PIAS3: variants seen among roughly 807,000 people sequenced by gnomAD.
PIAS3 encodes the protein protein inhibitor of activated STAT 3, also known as E3 SUMO-protein ligase PIAS3.
Under a neutral mutation model 67.6 loss-of-function variants are expected in PIAS3, and 34 were observed. That is an observed-to-expected ratio of 0.50 (90% CI 0.38 to 0.67). PIAS3 has a LOEUF of 0.67. Ranked by LOEUF, PIAS3 falls within the 30% of genes least tolerant of loss-of-function variation. The pLI is 0.00. For synonymous variants in PIAS3, 341 were observed against 313.8 expected, an observed-to-expected ratio of 1.09 and a Z score of -0.92; for missense variants, 693 against 791.6, an observed-to-expected ratio of 0.88 and a Z score of 1.49.
Position 145,849,556 on chromosome 1 carries a change from C to T in PIAS3, c.1777G>A (p.Val593Ile), listed in dbSNP as rs142992966. The T allele has an allele frequency of 3.7e-6, 6 of 1,605,892 alleles. No homozygotes were observed. The highest frequency in any genetic ancestry group is 4.3e-6 in the Non-Finnish European group (5 of 1,176,204). Residue 593 changes from valine to isoleucine, a missense_variant, in exon 14 of 14, where the codon GTC (valine) becomes ATC (isoleucine). By Grantham distance (29) the Val-to-Ile change is conservative. This residue lies in a region of PIAS3 where 270 missense variants were observed against 261.0 expected (regional missense o/e 1.03). Coordinates refer to ENST00000393045, the MANE Select transcript of PIAS3 (RefSeq NM_006099.3). Reference sequence around the variant, plus strand: ...CCCCCAGGGGCCACAATGCTGCTGACACGGCCAGGAGGGGGCGCCGGAGTG... The same window carrying T: ...CCCCCAGGGGCCACAATGCTGCTGATACGGCCAGGAGGGGGCGCCGGAGTG... ...SATPAPPPGR[V>I]SSIVAPGGAL...
Position 145,848,859 on chromosome 1 carries a change from G to C in PIAS3, c.*587C>G, listed in dbSNP as rs189062109. On this transcript the variant is annotated 3_prime_UTR_variant, in exon 14 of 14. Transcript: ENST00000393045. ...TCTGTCATACTGGAGTAGGAGGCAG[G>C]GGAAGTCATCTTTGGAGTATTTTGG... 8.4e-5 allele frequency: 15 copies of C among 179,022 alleles called. No individual in the cohort carries two copies. The East Asian group carries it at 2.1e-3, about 25-fold the overall frequency. The allele number at this position is 179,022 out of a possible 1,614,324, so 11.1% of individuals were successfully genotyped here.
chr1:145,858,287 C>T (rs587766053), intron 1 of PIAS3, among the ~76,000 whole-genome samples: 1 of 152,178 alleles, frequency 6.6e-6, no homozygotes, highest in Non-Finnish European at 1.5e-5. Flanking sequence ...TCTGTCCTGT[C>T]TTTTTTTCTC....
At chr1:145,850,042 G>C in intron 13 of PIAS3, 190 bp downstream of exon 13, 1 of 1,449,438 alleles carries the variant, frequency 6.9e-7, no homozygotes, top group Non-Finnish European at 9.0e-7. Context: ...GGGGATCTAG[G>C]AAGGAGGCCT....
At chr1:145,854,586 CAATT>C in intron 6 of PIAS3, 23 bp from the exon 7 acceptor site, 1 of 1,576,998 alleles carries the variant, frequency 6.3e-7, no homozygotes, top group South Asian at 1.1e-5. Flanking sequence ...AGGGGGTAGA[CAATT>C]AGCCTCTGCT....
At position 145,849,262 on chromosome 1, in the gene PIAS3, G is replaced by A. The variant is rs1553733493; in HGVS notation, c.*184C>T. 4 of 467,622 alleles carry A rather than the reference G, an allele frequency of 8.6e-6. No homozygotes were observed. Among genetic ancestry groups the A allele is most frequent in the Non-Finnish European group, 7.2e-6 (2 of 277,662 alleles). 29.0% of individuals were successfully genotyped at this position (467,622 alleles called of 1,614,324 possible). A position where few individuals can be genotyped will look rare whatever the true frequency, so the allele number is the denominator to read the frequency against. On this transcript the variant is annotated 3_prime_UTR_variant, in exon 14 of 14. Transcript: ENST00000393045. ...CAGACCCCAGTGTCCTTAAAAAGAGGTTAAATATTAACCCTTTGGGTGCTG... is the reference window on the plus strand; with the variant it reads ...CAGACCCCAGTGTCCTTAAAAAGAGATTAAATATTAACCCTTTGGGTGCTG...
At chr1:145,858,838 T>A in intron 1 of PIAS3, 129 bp downstream of exon 1, 2 of 572,828 alleles carry the variant, frequency 3.5e-6, no homozygotes, top group Non-Finnish European at 5.0e-6. Context: ...TTCTCTCCCA[T>A]CCTCAGCAGC....
At chr1:145,856,227 C>T (rs1331899435) in intron 3 of PIAS3, 109 bp from the exon 4 acceptor site, 5 of 1,253,540 alleles carry the variant, frequency 4.0e-6, no homozygotes, top group Admixed American at 1.7e-5. Flanking sequence ...AGAAGAGACA[C>T]ACAGAAGAAC....
Position 145,850,238 on chromosome 1 carries a change from C to A in PIAS3, c.1614G>T (p.Glu538Asp). 1 of 1,614,204 alleles carries A rather than the reference C, an allele frequency of 6.2e-7. No individual in the cohort carries two copies. The highest frequency in any genetic ancestry group is 8.5e-7 in the Non-Finnish European group (1 of 1,180,024). The change falls in exon 13 of 14, where the codon GAG becomes GAT. Residue 538 changes from glutamate to aspartate, a missense_variant. Physicochemically the swap from Glu to Asp is conservative, Grantham distance 45. This residue lies in a region of PIAS3 where 270 missense variants were observed against 261.0 expected (regional missense o/e 1.03). Coordinates refer to ENST00000393045, the MANE Select transcript of PIAS3 (RefSeq NM_006099.3). ...TGAAGAAAGAACCACTTACCTGACT[C>A]TCTGTCTGAAGAAATGAAAATAAAT... is the stretch of plus-strand genomic sequence containing the variant. ...GLDLFSFLQT[E>D]SQHYGPSVIT...
intron 13 of PIAS3, 59 bp downstream of exon 13, chr1:145,850,173 T>C: frequency 3.7e-6 from 6 of 1,612,206 alleles, no homozygotes; most frequent in Non-Finnish European, 5.1e-6. Context: ...AGGGGCCCCA[T>C]CAGTGTCTAG....
At chr1:145,852,783 G>A (rs1222250599) in intron 9 of PIAS3, among the ~76,000 whole-genome samples, 13 of 151,844 alleles carry the variant, frequency 8.6e-5, no homozygotes, top group Non-Finnish European at 1.3e-4. Flanking sequence ...TTTTTATAGA[G>A]AGAGGGTCTA....
In PIAS3 at chr1:145,850,556, C is replaced by T. The variant is rs368767456; in HGVS notation, c.1479G>A (p.Ser493=). 5.6e-6 allele frequency: 9 copies of T among 1,614,164 alleles called. No homozygotes were observed. The highest frequency in any genetic ancestry group is 6.8e-6 in the Non-Finnish European group (8 of 1,180,018). Residue 493 remains serine (S), a synonymous_variant, in exon 12 of 14, where the codon TCG becomes TCA. Transcript: ENST00000393045. ...GVLTSGHQPS[S]VLRSPAMGTL... ...TGCCCATAGCAGGGCTCCTTAGCAC[C>T]GAGGATGGCTGGTGGCCAGATGTCA...
intron 5 of PIAS3, among the ~76,000 whole-genome samples, 175 bp from the exon 6 acceptor site, chr1:145,855,055 C>G (rs995985591): frequency 1.3e-5 from 2 of 152,162 alleles, no homozygotes; most frequent in Admixed American, 6.5e-5. Flanking sequence ...GGAGCACTGT[C>G]TAGGGTTATG....
intron 1 of PIAS3, 21 bp downstream of exon 1, chr1:145,858,946 A>C: frequency 6.6e-7 from 1 of 1,518,118 alleles, no homozygotes; most frequent in Non-Finnish European, 8.8e-7. Flanking sequence ...CCAGATGGGG[A>C]TGGGGGGAGG....
At chr1:145,855,714 A>G (rs782232843) in intron 5 of PIAS3, 22 bp downstream of exon 5, 111 of 1,273,576 alleles carry the variant, frequency 8.7e-5, no homozygotes, top group Non-Finnish European at 1.2e-4. Context: ...GATTACTGAC[A>G]GAAGAAGGGG....
At chr1:145,858,784 CGCCCCCGGA>C (rs1653298957) in intron 1 of PIAS3, among the ~76,000 whole-genome samples, 174 bp downstream of exon 1, 1 of 151,112 alleles carries the variant, frequency 6.6e-6, no homozygotes, top group African/African-American at 2.4e-5. Context: ...CCCGCAGCCC[CGCCCCCGGA>C]GCCCCGCCGC....
chr1:145,858,694 G>T lies in PIAS3; in HGVS notation c.24+273C>A, dbSNP rs587698728. Among the ~76,000 whole-genome samples, 25 of 103,946 alleles carry T rather than the reference G, an allele frequency of 2.4e-4. No homozygotes were observed. In the East Asian group the frequency reaches 6.5e-3, roughly 27 times the overall value. The allele number at this position is 103,946 out of a possible 152,430, so 68.2% of individuals were successfully genotyped here. A position where few individuals can be genotyped will look rare whatever the true frequency, so the allele number is the denominator to read the frequency against. On this transcript the variant is annotated intron_variant, in intron 1 of 13. Transcript: ENST00000393045. ...AACAACCGCCCCTACTACTAAATCC[G>T]ACTTCTACCCCTCGTCCCCGCCCCC...
chr1:145,852,392 C>T lies in PIAS3; in HGVS notation c.1145+1112G>A, dbSNP rs1470590019. On this transcript the variant is annotated intron_variant, in intron 9 of 13. Coordinates refer to ENST00000393045, the MANE Select transcript of PIAS3 (RefSeq NM_006099.3). ...CCCTGAAAAGAACCTTATTGCAATG[C>T]TCAGTGGGAAGTCAGGTAGTTGTTA... Among the ~76,000 whole-genome samples the T allele has an allele frequency of 5.9e-5, 9 of 152,190 alleles. No homozygotes were observed. The East Asian group carries it at 1.5e-3, about 26-fold the overall frequency.
At position 145,856,943 on chromosome 1, in the gene PIAS3, T is replaced by C; in HGVS notation, c.88A>G (p.Lys30Glu). 6.2e-7 allele frequency: 1 copy of C among 1,614,126 alleles called. No individual in the cohort carries two copies. Among genetic ancestry groups the C allele is most frequent in the South Asian group, 1.1e-5 (1 of 91,086 alleles). ...AGGAGCTCGTGCTTCCGTCCACTCT[T>C]GTTCCGGCCAGCAAAGCCAAGAAGC... ...QVLLGFAGRNKSGRKHELLAK... is the reference protein window; with the variant it reads ...QVLLGFAGRNESGRKHELLAK... Residue 30 changes from lysine to glutamate, a missense_variant, in exon 2 of 14, where the codon AAG becomes GAG. Around this residue, in one of 3 missense-constraint regions of PIAS3, gnomAD observed 308 missense variants for 348.8 expected, o/e 0.88. Coordinates refer to ENST00000393045, the MANE Select transcript of PIAS3 (RefSeq NM_006099.3).
intron 1 of PIAS3, 74 bp from the exon 2 acceptor site, chr1:145,857,080 A>G: frequency 7.4e-7 from 1 of 1,359,302 alleles, no homozygotes; most frequent in South Asian, 1.3e-5. Flanking sequence ...GGGCTGAGCT[A>G]CCAGGTGGGC....
Sources: gnomAD v4.1 joint callset for allele counts (sites outside exome capture counted in the v4.1 genomes callset) on GRCh38, gnomAD v4.1.1 for gene constraint, gnomAD v4.1.1 regional missense constraint, MANE v1.5 for transcripts, NCBI Gene and HGNC (gene_info 2026-07-23, HGNC 2026-07-21) for gene names.